CDK19: variants seen among roughly 807,000 people sequenced by gnomAD.
CDK19 encodes cyclin dependent kinase 19, also known as cyclin-dependent kinase 19.
A neutral mutation model predicts 68.3 loss-of-function variants in CDK19; 20 were observed. The observed-to-expected ratio is 0.29, with a 90% CI of 0.21 to 0.43. CDK19 has a LOEUF of 0.43. Ranked by LOEUF, CDK19 falls within the 20% of genes least tolerant of loss-of-function variation. The pLI is 1.00. For missense variants in CDK19, 339 were observed against 623.5 expected (o/e 0.54, Z 4.86); for synonymous variants, 221 against 222.8 (o/e 0.99, Z 0.07).
At chr6:110,779,305 C>T (rs1230747485) in intron 1 of CDK19, among the ~76,000 whole-genome samples, 2 of 152,136 alleles carry the variant, frequency 1.3e-5, no homozygotes, top group African/African-American at 4.8e-5. Context: ...CTCCATGTAT[C>T]CTTCAAGTCT....
At chr6:110,749,924 A>T (rs1778358939) in intron 1 of CDK19, among the ~76,000 whole-genome samples, 1 of 141,520 alleles carries the variant, frequency 7.1e-6, no homozygotes, top group African/African-American at 2.6e-5. Flanking sequence ...GGTGCCCGCC[A>T]CCACACCCAG....
chr6:110,661,436 T>C (rs989404724), intron 4 of CDK19, among the ~76,000 whole-genome samples: 6 of 123,576 alleles, frequency 4.9e-5, no homozygotes, highest in Admixed American at 1.4e-4. Flanking sequence ...TATTGCAACA[T>C]TTCTTTTTTA....
In CDK19 at chr6:110,670,555, A is replaced by G. The variant is rs1440740172; in HGVS notation, c.205-14T>C. 1 of 1,444,452 alleles carries G rather than the reference A, an allele frequency of 6.9e-7. No homozygotes were observed. The highest frequency in any genetic ancestry group is 1.1e-5 in the South Asian group (1 of 87,550). The allele number at this position is 1,444,452 out of a possible 1,614,324, so 89.5% of individuals were successfully genotyped here. A position where few individuals can be genotyped will look rare whatever the true frequency, so the allele number is the denominator to read the frequency against. ...TTCTCGCAAAAGCTGAATGCAAAAG[A>G]AAGAGAGGGGTCACTGTTGTGTTAG... On this transcript the variant is annotated splice_polypyrimidine_tract_variant and intron_variant, in intron 2 of 12. Coordinates refer to ENST00000368911, the MANE Select transcript of CDK19 (RefSeq NM_015076.5).
intron 3 of CDK19, 108 bp downstream of exon 3, chr6:110,670,323 G>T: frequency 1.8e-6 from 1 of 547,854 alleles, no homozygotes; most frequent in East Asian, 3.0e-5. Context: ...TTGAAATATG[G>T]CTAACAGAGC....
At chr6:110,734,455 G>A (rs1486367710) in intron 2 of CDK19, among the ~76,000 whole-genome samples, 1 of 149,602 alleles carries the variant, frequency 6.7e-6, no homozygotes, top group East Asian at 2.0e-4. Context: ...CAGTTTGGTA[G>A]GCTTAAAGGA....
At chr6:110,790,681 GAT>G (rs1202998451) in intron 1 of CDK19, among the ~76,000 whole-genome samples, 1 of 152,036 alleles carries the variant, frequency 6.6e-6, no homozygotes, top group African/African-American at 2.4e-5. Context: ...AGTACATTTT[GAT>G]TTACATACTC....
intron 2 of CDK19, among the ~76,000 whole-genome samples, chr6:110,745,736 G>A (rs1233432290): frequency 6.6e-6 from 1 of 152,074 alleles, no homozygotes; most frequent in Admixed American, 6.6e-5. Context: ...GGAGGCCACG[G>A]AGAGAGGATC....
intron 2 of CDK19, among the ~76,000 whole-genome samples, chr6:110,742,682 G>A (rs1777771457): frequency 6.6e-6 from 1 of 152,126 alleles, no homozygotes; most frequent in Non-Finnish European, 1.5e-5. Flanking sequence ...TTATGCAGTT[G>A]AGATAAGGAA....
chr6:110,696,847 C>T (rs1308253668), intron 2 of CDK19, among the ~76,000 whole-genome samples: 1 of 151,980 alleles, frequency 6.6e-6, no homozygotes, highest in Non-Finnish European at 1.5e-5. Context: ...TCACTTGAGG[C>T]CGGGAGTTTG....
chr6:110,791,131 A>T (rs1781565545), intron 1 of CDK19, among the ~76,000 whole-genome samples: 1 of 151,984 alleles, frequency 6.6e-6, no homozygotes, highest in South Asian at 2.1e-4. Flanking sequence ...AGATCGCACC[A>T]CTGCACTCCA....
At chr6:110,632,210 G>A (rs780766121) in intron 5 of CDK19, 49 bp from the exon 6 acceptor site, 27 of 1,462,152 alleles carry the variant, frequency 1.8e-5, no homozygotes, top group East Asian at 1.2e-4. Context: ...ATTGTTTCTC[G>A]TCCTTTTGGC....
intron 1 of CDK19, among the ~76,000 whole-genome samples, chr6:110,799,850 G>A (rs1173873979): frequency 2.0e-5 from 3 of 152,024 alleles, no homozygotes; most frequent in Non-Finnish European, 2.9e-5. Flanking sequence ...CAATCCACCC[G>A]CCTAGACCTC....
At chr6:110,752,817 C>T (rs1001269954) in intron 1 of CDK19, among the ~76,000 whole-genome samples, 1 of 152,136 alleles carries the variant, frequency 6.6e-6, no homozygotes, top group Admixed American at 6.6e-5. Context: ...ATCCTCCTTC[C>T]TGGCCTCCCA....
At chr6:110,762,512 T>A (rs996165689) in intron 1 of CDK19, among the ~76,000 whole-genome samples, 2 of 152,202 alleles carry the variant, frequency 1.3e-5, no homozygotes, top group African/African-American at 4.8e-5. Flanking sequence ...CCTATCCCAC[T>A]AAGTCACACA....
At chr6:110,643,609 C>A (rs79497204) in intron 4 of CDK19, among the ~76,000 whole-genome samples, 183 of 152,208 alleles carry the variant, frequency 1.2e-3, no homozygotes, top group Middle Eastern at 3.4e-3. Context: ...ACAACAACAA[C>A]AAAAAAGTTT....
chr6:110,690,913 T>C (rs1452435808), intron 2 of CDK19, among the ~76,000 whole-genome samples: 1 of 152,142 alleles, frequency 6.6e-6, no homozygotes, highest in East Asian at 1.9e-4. Flanking sequence ...TTAGGAAAGA[T>C]AGTTTACCCA....
At chr6:110,661,031 T>C (rs1410107687) in intron 4 of CDK19, among the ~76,000 whole-genome samples, 7 of 152,214 alleles carry the variant, frequency 4.6e-5, no homozygotes, top group Non-Finnish European at 1.0e-4. Context: ...ATACACACTA[T>C]TGTGTAAACT....
intron 2 of CDK19, among the ~76,000 whole-genome samples, chr6:110,685,818 ATACTG>A (rs886787346): frequency 1.3e-5 from 2 of 152,238 alleles, no homozygotes; most frequent in African/African-American, 4.8e-5. Flanking sequence ...AGCTAAAACT[ATACTG>A]TAAAGATTTT....
intron 8 of CDK19, among the ~76,000 whole-genome samples, chr6:110,625,829 C>T (rs368543554): frequency 1.3e-5 from 2 of 152,162 alleles, no homozygotes; most frequent in African/African-American, 4.8e-5. Flanking sequence ...TGATCAATGC[C>T]ATTCTCTATT....
Sources: gnomAD v4.1 joint callset for allele counts (sites outside exome capture counted in the v4.1 genomes callset) on GRCh38, gnomAD v4.1.1 for gene constraint, MANE v1.5 for transcripts, NCBI Gene and HGNC (gene_info 2026-07-23, HGNC 2026-07-21) for gene names.